Variants in DNAH10 observed in about 807,000 individuals in gnomAD.
DNAH10 encodes the protein dynein axonemal heavy chain 10, also known as axonemal beta dynein heavy chain 10.
In DNAH10, 348 loss-of-function variants were observed where a neutral mutation model predicts 506.6. The ratio of observed to expected loss-of-function variants is 0.69; its 90% CI spans 0.63 to 0.75. The LOEUF is 0.75. Among genes scored for constraint, DNAH10 ranks in the 30% least tolerant of loss-of-function variants. The probability of loss-of-function intolerance (pLI) is 0.00; values close to 1 mark genes in which losing one functional copy is unlikely to be tolerated. For synonymous variants in DNAH10, 2,059 were observed against 2,198.6 expected, an observed-to-expected ratio of 0.94 and a Z score of 1.78; for missense variants, 5,179 against 5,787.1, an observed-to-expected ratio of 0.89 and a Z score of 3.41.
In DNAH10 at chr12:123,857,194, G is replaced by A. The variant is rs749753047; in HGVS notation, c.6577G>A (p.Asp2193Asn). 1.5e-5 allele frequency: 24 copies of A among 1,609,086 alleles called. No individual in the cohort carries two copies. The highest frequency in any genetic ancestry group is 1.6e-4 in the Middle Eastern group (1 of 6,078). Residue 2193 changes from aspartate (D) to asparagine (N), a missense_variant, in exon 37 of 79, where the codon GAT becomes AAT. Physicochemically the swap from Asp to Asn is conservative, Grantham distance 23 (BLOSUM62 1). This residue lies in a region of DNAH10 where 4,844 missense variants were observed against 5,430.5 expected (regional missense o/e 0.89). Transcript: ENST00000673944. ...TCGCGTCCGCTACCCTGACTTCAAC[G>A]ATGCGGTAGAGCAGGTCCTGGAGGA... Reference protein sequence around the residue: ...CPRVRYPDFNDAVEQVLEENG... With the variant: ...CPRVRYPDFNNAVEQVLEENG...
chr12:123,910,756 A>AGGGACCCATTCAGAGTC, intron 59 of DNAH10, 84 bp downstream of exon 59: 2 of 1,515,026 alleles, frequency 1.3e-6, no homozygotes, highest in African/African-American at 2.8e-5. Flanking sequence ...CTTTGCTGAA[A>AGGGACCCATTCAGAGTC]AACTTCTCCC....
At chr12:123,764,881 C>T (rs748362911) in intron 1 of DNAH10, among the ~76,000 whole-genome samples, 17 of 152,120 alleles carry the variant, frequency 1.1e-4, no homozygotes, top group Non-Finnish European at 2.1e-4. Flanking sequence ...CAGATGGCGT[C>T]GGGTGTTGGG....
chr12:123,928,535 C>T lies in DNAH10; in HGVS notation c.12254C>T (p.Thr4085Ile). The T allele has an allele frequency of 6.2e-7, 1 of 1,610,714 alleles. No homozygotes were observed. The highest frequency in any genetic ancestry group is 8.5e-7 in the Non-Finnish European group (1 of 1,178,592). ...KPHPDFRLWL[T>I]TDPTKGFPIG... ...CACCCAGACTTCCGCCTGTGGCTCA[C>T]CACGGACCCCACCAAGGGCTTCCCC... The change falls in exon 70 of 79, where the codon ACC (threonine) becomes ATC (isoleucine). Residue 4085 changes from threonine to isoleucine, a missense_variant. By Grantham distance (89) the Thr-to-Ile change is moderately conservative. Transcript: ENST00000673944. The surrounding 1 kb of genome is among the most constrained non-coding windows in gnomAD (Gnocchi z 4.9).
Position 123,859,278 on chromosome 12 carries a change from AC to A in DNAH10, c.6749+12del, listed in dbSNP as rs1951524165. 1.3e-6 allele frequency: 2 copies of A among 1,570,464 alleles called. No individual in the cohort carries two copies. Among genetic ancestry groups the A allele is most frequent in the Admixed American group, 2.0e-5 (1 of 51,168 alleles). On this transcript the variant is annotated intron_variant, in intron 38 of 78. Coordinates refer to ENST00000673944, the MANE Select transcript of DNAH10 (RefSeq NM_001372106.1). ...GTCAGGCCCAGACCAAGTGAGTATG[AC>A]CTCCGTAGGGAGGGCCTGGCTGCCA...
rs200301739 is a variant in DNAH10, at chr12:123,929,625, T to A, written c.12517-39T>A. On this transcript the variant is annotated intron_variant, in intron 71 of 78. Transcript: ENST00000673944. ...AAGTATCAGAATGTGAACAGCTTGG[T>A]GGGTTTCAGTATAACTGAGCGTGTT... 4.4e-6 allele frequency: 7 copies of A among 1,594,298 alleles called. No homozygotes were observed. In the African/African-American group the frequency reaches 9.4e-5, roughly 21 times the overall value.
intron 59 of DNAH10, 134 bp downstream of exon 59, chr12:123,910,806 A>C (rs11057391): frequency 0.23 from 269,784 of 1,151,570 alleles, 34,671 homozygotes; most frequent in African/African-American, 0.44. Context: ...TCCCTCCACC[A>C]CCCAATAAAT....
In DNAH10 at chr12:123,897,826, T is replaced by A; in HGVS notation, c.9337T>A (p.Leu3113Met). 1 of 1,612,088 alleles carries A rather than the reference T, an allele frequency of 6.2e-7. No homozygotes were observed. Among genetic ancestry groups the A allele is most frequent in the East Asian group, 2.2e-5 (1 of 44,844 alleles). Residue 3113 changes from leucine (L) to methionine (M), a missense_variant, in exon 55 of 79, where the codon TTG (leucine) becomes ATG (methionine). Physicochemically the swap from Leu to Met is conservative, Grantham distance 15 (BLOSUM62 2). Around this residue, in one of 3 missense-constraint regions of DNAH10, gnomAD observed 4,844 missense variants for 5,430.5 expected, o/e 0.89. Coordinates refer to ENST00000673944, the MANE Select transcript of DNAH10 (RefSeq NM_001372106.1). Reference sequence around the variant, plus strand: ...AGAAAATGTGGTGAAGCATGTTGTCTTGGTTCACCAATCCGTGGACCACTA... The same window carrying A: ...AGAAAATGTGGTGAAGCATGTTGTCATGGTTCACCAATCCGTGGACCACTA... ...NIENVVKHVV[L>M]VHQSVDHYSQ...
intron 64 of DNAH10, 97 bp from the exon 65 acceptor site, chr12:123,918,579 A>G (rs1594381043): frequency 7.1e-7 from 1 of 1,404,796 alleles, no homozygotes; most frequent in East Asian, 2.3e-5. Context: ...AAAGCCCTGA[A>G]GCATTGTACA....
chr12:123,830,719 C>CTGA lies in DNAH10; in HGVS notation c.4545+20_4545+21insTGA. On this transcript the variant is annotated intron_variant, in intron 26 of 78. Transcript: ENST00000673944. Reference sequence around the variant, plus strand: ...GAGAAGGTAAGACTTCAGTTAAAAACAGGCTGGAGAAAACAGTCTTTTTTT... The same window carrying CTGA: ...GAGAAGGTAAGACTTCAGTTAAAAACTGAAGGCTGGAGAAAACAGTCTTTTTTT... The CTGA allele has an allele frequency of 1.3e-6, 2 of 1,583,912 alleles. No homozygotes were observed. The highest frequency in any genetic ancestry group is 1.7e-6 in the Non-Finnish European group (2 of 1,165,164).
Position 123,918,843 on chromosome 12 carries a change from CT to C in DNAH10, c.11402del (p.Phe3801SerfsTer5). The stretch of plus-strand genomic sequence containing the variant: ...ACTCCCTGATTGCCTTCTTAGAGGT[CT>C]TCAGGCTGTCACTGAAGAAGTCGCT... ...QYSLIAFLEV[F>X]RLSLKKSLPD... On this transcript the variant is annotated frameshift_variant, in exon 65 of 79. Transcript: ENST00000673944. LOFTEE classifies it high-confidence loss of function. The C allele has an allele frequency of 6.2e-7, 1 of 1,613,960 alleles. No homozygotes were observed. The highest frequency in any genetic ancestry group is 8.5e-7 in the Non-Finnish European group (1 of 1,179,900).
chr12:123,912,294 T>TC (rs1491519591), intron 59 of DNAH10, among the ~76,000 whole-genome samples: 1 of 10,842 alleles, frequency 9.2e-5, no homozygotes, highest in Non-Finnish European at 1.6e-4. Flanking sequence ...GGGTCTGTCC[T>TC]GGGGGGGGTC....
chr12:123,835,383 A>G, intron 27 of DNAH10, 23 bp from the exon 28 acceptor site: 1 of 1,611,598 alleles, frequency 6.2e-7, no homozygotes, highest in Non-Finnish European at 8.5e-7. Context: ...CCCTGCTGAC[A>G]CTGACCTTTT....
intron 47 of DNAH10, among the ~76,000 whole-genome samples, chr12:123,877,343 C>T (rs1048874779): frequency 4.6e-5 from 7 of 152,002 alleles, no homozygotes; most frequent in African/African-American, 1.7e-4. Flanking sequence ...ATGGAGTCTC[C>T]CTCTGTCACC....
intron 54 of DNAH10, among the ~76,000 whole-genome samples, chr12:123,896,570 G>A (rs879790068): frequency 2.6e-5 from 4 of 152,088 alleles, no homozygotes; most frequent in Non-Finnish European, 5.9e-5. Context: ...GTCCTCGGGC[G>A]GGCGAGGGGA....
rs1436285798 is a variant in DNAH10 at position 123,865,970 on chromosome 12, C to A, written c.7064C>A (p.Ala2355Asp). 3 of 1,605,516 alleles carry A rather than the reference C, an allele frequency of 1.9e-6. No individual in the cohort carries two copies. The highest frequency in any genetic ancestry group is 2.7e-5 in the African/African-American group (2 of 74,578). The change falls in exon 41 of 79, where the codon GCC becomes GAC. Residue 2355 changes from alanine to aspartate, a missense_variant. Transcript: ENST00000673944. Reference protein sequence around the residue: ...LLFEVGDLQYASPATVSRCGM... With the variant: ...LLFEVGDLQYDSPATVSRCGM... ...ATCCAGGTTGGAGATTTACAGTATGCCTCCCCTGCAACTGTCTCTCGATGT... is the reference window on the plus strand; with the variant it reads ...ATCCAGGTTGGAGATTTACAGTATGACTCCCCTGCAACTGTCTCTCGATGT...
chr12:123,835,375 C>T (rs377566178), intron 27 of DNAH10, 31 bp from the exon 28 acceptor site: 145 of 1,609,878 alleles, frequency 9.0e-5, no homozygotes, highest in Non-Finnish European at 1.1e-4. Flanking sequence ...CTGATAACCC[C>T]TGCTGACACT....
At position 123,853,727 on chromosome 12, in the gene DNAH10, T is replaced by A. The variant is rs974794866; in HGVS notation, c.6438+375T>A. On this transcript the variant is annotated intron_variant, in intron 36 of 78. Coordinates refer to ENST00000673944, the MANE Select transcript of DNAH10 (RefSeq NM_001372106.1). This position sits in a 1 kb window ranked among gnomAD's most constrained non-coding sequence, Gnocchi z 4.7. ...AAGAGGGGAACAATTGTGTTTTTTT[T>A]ACATGGACTTTAAATAAAAGGTTTA... Among the ~76,000 whole-genome samples the A allele has an allele frequency of 2.0e-5, 3 of 152,202 alleles. No individual in the cohort carries two copies. Among genetic ancestry groups the A allele is most frequent in the Non-Finnish European group, 4.4e-5 (3 of 68,038 alleles).
rs1462092215 is a variant in DNAH10 at position 123,841,350 on chromosome 12, T to C, written c.5165T>C (p.Phe1722Ser). Residue 1722 changes from phenylalanine to serine, a missense_variant, in exon 30 of 79, where the codon TTT (phenylalanine) becomes TCT (serine). Around this residue, in one of 3 missense-constraint regions of DNAH10, gnomAD observed 4,844 missense variants for 5,430.5 expected, o/e 0.89. Coordinates refer to ENST00000673944, the MANE Select transcript of DNAH10 (RefSeq NM_001372106.1). ...TACGACAACATAGCATCACTGAGGT[T>C]TAATGACGGCGATAGTGGAGAAAAA... ...KMYDNIASLR[F>S]NDGDSGEKLV... The C allele has an allele frequency of 6.2e-7, 1 of 1,613,968 alleles. No individual in the cohort carries two copies. Among genetic ancestry groups the C allele is most frequent in the Admixed American group, 1.7e-5 (1 of 60,012 alleles).
chr12:123,807,767 G>A (rs1958736194), intron 18 of DNAH10, among the ~76,000 whole-genome samples: 3 of 140,246 alleles, frequency 2.1e-5, no homozygotes, highest in Admixed American at 1.4e-4. Flanking sequence ...ACAGGGAGAG[G>A]GATCGAGAGA....
Sources: gnomAD v4.1 joint callset for allele counts (sites outside exome capture counted in the v4.1 genomes callset) on GRCh38, gnomAD v4.1.1 for gene constraint, gnomAD v4.1.1 regional missense constraint, Gnocchi (gnomAD v3.1) non-coding constraint, MANE v1.5 for transcripts, NCBI Gene and HGNC (gene_info 2026-07-23, HGNC 2026-07-21) for gene names.